Variants in ZNF695 observed in about 807,000 individuals in gnomAD.
The protein encoded by ZNF695 is zinc finger protein SBZF3.
ZNF695 carries 11 observed loss-of-function variants against 11.2 expected under a neutral mutation model. The ratio of observed to expected loss-of-function variants is 0.98; its 90% CI spans 0.62 to 1.62. ZNF695 has a LOEUF of 1.62. Among genes scored for constraint, ZNF695 ranks in the 40% most tolerant of loss-of-function variants. The pLI, the probability that ZNF695 is intolerant of heterozygous loss-of-function variation, is 0.00. For missense variants in ZNF695, 559 were observed against 590.5 expected (o/e 0.95, Z 0.55); for synonymous variants, 190 against 201.4 (o/e 0.94, Z 0.48).
rs1180933097 is a variant in ZNF695, at chr1:246,945,871, G to A, written c.489-44C>T. The A allele has an allele frequency of 3.2e-6, 5 of 1,548,748 alleles. No individual in the cohort carries two copies. The Admixed American group carries it at 9.8e-5, about 30-fold the overall frequency. On this transcript the variant is annotated intron_variant, in intron 5 of 5. Coordinates refer to the ZNF695 transcript ENST00000487338. ...GAAAAGCAGCTTAAGGTTCCGAGTA[G>A]CTCCTTGGGATATGATTTATGCTGA... is the stretch of plus-strand genomic sequence containing the variant.
In ZNF695 at chr1:246,986,278, G is replaced by A; in HGVS notation, c.*689C>T. On this transcript the variant is annotated 3_prime_UTR_variant, in exon 4 of 4. Coordinates refer to ENST00000339986, the MANE Select transcript of ZNF695 (RefSeq NM_020394.5). ...AGATGAGGTTTTGCCATGTTGCCCA[G>A]CCTGGTCCCAAACTCCTGGGCTCAA... is the stretch of plus-strand genomic sequence containing the variant. 1.3e-6 allele frequency: 1 copy of A among 761,558 alleles called. No homozygotes were observed. Among genetic ancestry groups the A allele is most frequent in the Non-Finnish European group, 1.6e-6 (1 of 625,902 alleles). The allele number at this position is 761,558 out of a possible 1,614,324, so 47.2% of individuals were successfully genotyped here.
At chr1:246,981,601 AC>A (rs979062294), downstream of ZNF695, among the ~76,000 whole-genome samples, 3 of 152,140 alleles carry the variant, frequency 2.0e-5, no homozygotes, top group African/African-American at 7.2e-5. Context: ...TCAGGTATTT[AC>A]CAGTGTGCTC....
chr1:246,966,999 C>A (rs745921482), intron 5 of ZNF695: 2 of 387,626 alleles, frequency 5.2e-6, no homozygotes, highest in East Asian at 1.5e-4. Flanking sequence ...AGTGCAATGG[C>A]GCAATCTTGG....
downstream of ZNF695, among the ~76,000 whole-genome samples, chr1:246,983,991 C>T (rs796558103): frequency 1.3e-5 from 2 of 151,156 alleles, no homozygotes; most frequent in South Asian, 4.2e-4. Context: ...CTCATCTCTA[C>T]TAAAAAAAGA....
intron 5 of ZNF695, among the ~76,000 whole-genome samples, chr1:246,952,526 A>G (rs1346178452): frequency 6.6e-6 from 1 of 150,656 alleles, no homozygotes; most frequent in Non-Finnish European, 1.5e-5. Context: ...ACTAGAATAA[A>G]TAATGTTATG....
intron 5 of ZNF695, among the ~76,000 whole-genome samples, chr1:246,962,515 A>G (rs1668186777): frequency 6.6e-6 from 1 of 152,132 alleles, no homozygotes; most frequent in South Asian, 2.1e-4. Flanking sequence ...GGCTCTGGCC[A>G]CTGACTTAAT....
chr1:246,964,405 A>G (rs907846104), intron 5 of ZNF695, among the ~76,000 whole-genome samples: 1 of 152,194 alleles, frequency 6.6e-6, no homozygotes, highest in Non-Finnish European at 1.5e-5. Context: ...ATTCCAAGTG[A>G]TCAGGATCTC....
At chr1:246,949,590 CA>C (rs11413731) in intron 5 of ZNF695, among the ~76,000 whole-genome samples, 1 of 106,490 alleles carries the variant, frequency 9.4e-6, no homozygotes, top group Non-Finnish European at 2.2e-5. Flanking sequence ...GACCCTGTCT[CA>C]AAAAAAAAGA....
intron 5 of ZNF695, among the ~76,000 whole-genome samples, chr1:246,959,916 A>G (rs999941619): frequency 6.6e-6 from 1 of 152,148 alleles, no homozygotes; most frequent in Admixed American, 6.6e-5. Flanking sequence ...AGTGTTTCTG[A>G]TCCATTAGTT....
chr1:246,978,446 G>T (rs1668622436), intron 4 of ZNF695, among the ~76,000 whole-genome samples: 2 of 152,148 alleles, frequency 1.3e-5, no homozygotes, highest in Non-Finnish European at 2.9e-5. Flanking sequence ...TCAATAAATT[G>T]TGGTGCTTTA....
rs369481885 is a variant in ZNF695 at position 246,999,157 on chromosome 1, G to A, written c.259+191C>T. Among the ~76,000 whole-genome samples, 3 of 152,040 alleles carry A rather than the reference G, an allele frequency of 2.0e-5. No individual in the cohort carries two copies. The East Asian group carries it at 5.8e-4, about 29-fold the overall frequency. On this transcript the variant is annotated intron_variant, in intron 3 of 3. Coordinates refer to ENST00000339986, the MANE Select transcript of ZNF695 (RefSeq NM_020394.5). ...TAAACTTGAAGGAAAATGACTGAAG[G>A]GAAATACAGTCCTTAGACAATTTAA...
intron 3 of ZNF695, among the ~76,000 whole-genome samples, chr1:246,994,541 G>A (rs1026795398): frequency 1.1e-4 from 16 of 145,576 alleles, no homozygotes; most frequent in African/African-American, 3.9e-4. Flanking sequence ...ACCCTATCTC[G>A]AAAAAACAAA....
At chr1:246,984,677 T>C (rs1232878521), downstream of ZNF695, among the ~76,000 whole-genome samples, 1 of 152,190 alleles carries the variant, frequency 6.6e-6, no homozygotes, top group Non-Finnish European at 1.5e-5. Context: ...ATTACTCAAT[T>C]AAGTGAAAGA....
intron 5 of ZNF695, chr1:246,967,537 T>C: frequency 2.3e-6 from 1 of 443,606 alleles, no homozygotes; most frequent in Non-Finnish European, 4.6e-6. Context: ...AAGGATGAAG[T>C]TGCCACTAGC....
intron 1 of ZNF695, among the ~76,000 whole-genome samples, chr1:247,006,605 G>A (rs1199498773): frequency 6.6e-6 from 1 of 152,218 alleles, no homozygotes; most frequent in African/African-American, 2.4e-5. Context: ...GGGCAACAGA[G>A]TGAGACTTCG....
At position 246,946,143 on chromosome 1, in the gene ZNF695, G is replaced by A. The variant is rs374967364; in HGVS notation, c.489-316C>T. 9.9e-4 allele frequency among the ~76,000 whole-genome samples: 150 copies of A among 152,210 alleles called. 4 individuals carry two copies. In the South Asian group the frequency reaches 0.03, roughly 30 times the overall value. ...ATGAAAATGCTCCCCGTGCCACACC[G>A]GCTGAGGCTATCATCCTCCCGCCGC... On this transcript the variant is annotated intron_variant, in intron 5 of 5. Coordinates refer to the ZNF695 transcript ENST00000487338.
chr1:246,977,379 C>G (rs755379586), intron 4 of ZNF695, among the ~76,000 whole-genome samples: 7 of 152,172 alleles, frequency 4.6e-5, no homozygotes, highest in Non-Finnish European at 8.8e-5. Flanking sequence ...GCTTCAGCCT[C>G]CTGAGTAGCT....
In ZNF695 at chr1:246,985,840, C is replaced by T. The variant is rs1216823488; in HGVS notation, c.*1127G>A. On this transcript the variant is annotated 3_prime_UTR_variant, in exon 4 of 4. Transcript: ENST00000339986. Reference sequence around the variant, plus strand: ...TCTCCAGTTAAATTTCTTCAGGAAGCTTACAATGCAATGTCCATAATCTTC... The same window carrying T: ...TCTCCAGTTAAATTTCTTCAGGAAGTTTACAATGCAATGTCCATAATCTTC... 7.1e-6 allele frequency: 7 copies of T among 985,360 alleles called. No homozygotes were observed. Among genetic ancestry groups the T allele is most frequent in the Non-Finnish European group, 8.4e-6 (7 of 829,922 alleles). 61.0% of individuals were successfully genotyped at this position (985,360 alleles called of 1,614,324 possible). A position where few individuals can be genotyped will look rare whatever the true frequency, so the allele number is the denominator to read the frequency against.
Position 246,986,102 on chromosome 1 carries a change from C to T in ZNF695, c.*865G>A, listed in dbSNP as rs867601671. 3.2e-6 allele frequency: 3 copies of T among 947,874 alleles called. No homozygotes were observed. Among genetic ancestry groups the T allele is most frequent in the South Asian group, 4.9e-5 (1 of 20,526 alleles). The allele number at this position is 947,874 out of a possible 1,614,324, so 58.7% of individuals were successfully genotyped here. On this transcript the variant is annotated 3_prime_UTR_variant, in exon 4 of 4. Coordinates refer to ENST00000339986, the MANE Select transcript of ZNF695 (RefSeq NM_020394.5). ...TTATTATTATTGAGAAAGGGTCTTG[C>T]TCTGTTGCCCAGGCAGGAGTGAAGT...
Sources: allele counts gnomAD v4.1 joint callset (sites outside exome capture counted in the v4.1 genomes callset), GRCh38; gene constraint gnomAD v4.1.1; transcripts MANE v1.5; gene names NCBI Gene and HGNC (gene_info 2026-07-23, HGNC 2026-07-21).